LDLRAD3: variants seen among roughly 807,000 people sequenced by gnomAD.
LDLRAD3 encodes low density lipoprotein receptor class A domain containing 3.
A neutral mutation model predicts 29.4 loss-of-function variants in LDLRAD3; 20 were observed. The observed-to-expected ratio is 0.68, with a 90% CI of 0.48 to 0.99. The LOEUF is 0.99. LDLRAD3 is among the 50% of genes least tolerant of loss of function. The pLI, the probability that LDLRAD3 is intolerant of heterozygous loss-of-function variation, is 0.00. For missense variants in LDLRAD3, 420 were observed against 454.3 expected, an observed-to-expected ratio of 0.92 and a Z score of 0.69; for synonymous variants, 157 against 192.7, an observed-to-expected ratio of 0.81 and a Z score of 1.53.
chr11:36,072,187 G>A, intron 2 of LDLRAD3, among the ~76,000 whole-genome samples: 1 of 152,194 alleles, frequency 6.6e-6, no homozygotes, highest in East Asian at 1.9e-4. Context: ...AACCACAGAG[G>A]TCTAGAAGAG....
At chr11:36,130,690 T>G (rs1020834479) in intron 4 of LDLRAD3, among the ~76,000 whole-genome samples, 3 of 152,200 alleles carry the variant, frequency 2.0e-5, no homozygotes, top group African/African-American at 4.8e-5. Context: ...CAAGGCACTA[T>G]GTTAATGTTA....
At chr11:35,955,711 G>T (rs1851192813) in intron 1 of LDLRAD3, among the ~76,000 whole-genome samples, 1 of 152,236 alleles carries the variant, frequency 6.6e-6, no homozygotes, top group Non-Finnish European at 1.5e-5. Flanking sequence ...GGAACATAAT[G>T]AAAGGATGTT....
intron 4 of LDLRAD3, among the ~76,000 whole-genome samples, chr11:36,127,965 G>A (rs973851112): frequency 2.6e-5 from 4 of 151,574 alleles, no homozygotes; most frequent in Non-Finnish European, 4.4e-5. Context: ...ATATATGTTG[G>A]GAATTTCTCC....
At chr11:36,018,356 G>C (rs556956554) in intron 1 of LDLRAD3, among the ~76,000 whole-genome samples, 1 of 152,110 alleles carries the variant, frequency 6.6e-6, no homozygotes, top group Non-Finnish European at 1.5e-5. Context: ...CCTCAAGCTC[G>C]ATCCTGTTCA....
intron 4 of LDLRAD3, among the ~76,000 whole-genome samples, chr11:36,115,449 T>C (rs1448648382): frequency 6.6e-6 from 1 of 152,182 alleles, no homozygotes; most frequent in Non-Finnish European, 1.5e-5. Flanking sequence ...AGTCTTACTT[T>C]TCCTAGGGGC....
chr11:36,136,146 G>A (rs1414085025), intron 4 of LDLRAD3, among the ~76,000 whole-genome samples: 3 of 152,250 alleles, frequency 2.0e-5, no homozygotes, highest in South Asian at 2.1e-4. Context: ...GCTCTATGCC[G>A]ATTGGCCTTC....
intron 1 of LDLRAD3, among the ~76,000 whole-genome samples, chr11:36,014,124 C>A (rs931413326): frequency 1.3e-5 from 2 of 152,152 alleles, no homozygotes; most frequent in Non-Finnish European, 2.9e-5. Context: ...TCCACGCCTC[C>A]CTGTTCTTGG....
intron 2 of LDLRAD3, among the ~76,000 whole-genome samples, chr11:36,063,877 A>G (rs1852745767): frequency 6.6e-6 from 1 of 152,136 alleles, no homozygotes; most frequent in Non-Finnish European, 1.5e-5. Context: ...CTTTTTCAAT[A>G]TGGTTTTGGC....
At chr11:36,016,752 A>T (rs1287131651) in intron 1 of LDLRAD3, among the ~76,000 whole-genome samples, 1 of 152,206 alleles carries the variant, frequency 6.6e-6, no homozygotes, top group Non-Finnish European at 1.5e-5. Context: ...ATACATCTAC[A>T]TCTCTAGCGA....
intron 1 of LDLRAD3, among the ~76,000 whole-genome samples, chr11:35,965,845 A>G (rs998271148): frequency 1.4e-4 from 22 of 152,214 alleles, no homozygotes; most frequent in African/African-American, 4.1e-4. Flanking sequence ...AACAGTAAAA[A>G]AAGCCATTAA....
At chr11:36,214,314 GGGTTGGCCT>G (rs1855323747) in intron 4 of LDLRAD3, among the ~76,000 whole-genome samples, 1 of 152,208 alleles carries the variant, frequency 6.6e-6, no homozygotes. Flanking sequence ...CCAGTCTGCA[GGGTTGGCCT>G]GGAGTGACTA....
At chr11:36,011,959 A>C (rs932388737) in intron 1 of LDLRAD3, among the ~76,000 whole-genome samples, 7 of 152,170 alleles carry the variant, frequency 4.6e-5, no homozygotes, top group Non-Finnish European at 1.0e-4. Context: ...TAACTGCATG[A>C]CTGTGGGGAA....
chr11:36,105,745 T>C lies in LDLRAD3; in HGVS notation c.454+7284T>C, dbSNP rs528545101. 2.0e-5 allele frequency among the ~76,000 whole-genome samples: 3 copies of C among 152,256 alleles called. No homozygotes were observed. The East Asian group carries it at 5.8e-4, about 29-fold the overall frequency. ...GAACAGATTCTCTCTCGCAGCCCTCTGAAGGAGCCAACCCTGCGGACATTT... is the reference window on the plus strand; with the variant it reads ...GAACAGATTCTCTCTCGCAGCCCTCCGAAGGAGCCAACCCTGCGGACATTT... On this transcript the variant is annotated intron_variant, in intron 4 of 5. Coordinates refer to ENST00000315571, the MANE Select transcript of LDLRAD3 (RefSeq NM_174902.4).
chr11:36,173,494 T>C (rs1160859384), intron 4 of LDLRAD3, among the ~76,000 whole-genome samples: 1 of 152,070 alleles, frequency 6.6e-6, no homozygotes, highest in East Asian at 1.9e-4. Flanking sequence ...GCTTCATCCA[T>C]GTCCCTACAA....
intron 1 of LDLRAD3, among the ~76,000 whole-genome samples, chr11:35,953,432 A>G (rs1160110685): frequency 6.6e-6 from 1 of 152,224 alleles, no homozygotes; most frequent in Non-Finnish European, 1.5e-5. Flanking sequence ...AAATGAAAGC[A>G]TAAAGGGTGT....
intron 2 of LDLRAD3, among the ~76,000 whole-genome samples, chr11:36,058,197 G>A (rs1040572162): frequency 3.9e-5 from 6 of 152,008 alleles, no homozygotes; most frequent in Admixed American, 1.3e-4. Flanking sequence ...CCTGCTCTCC[G>A]CCCGCCAGCT....
chr11:36,098,248 G>T, intron 3 of LDLRAD3, 79 bp from the exon 4 acceptor site: 1 of 1,550,346 alleles, frequency 6.5e-7, no homozygotes, highest in South Asian at 1.1e-5. Flanking sequence ...CGGGACACAC[G>T]CCAGGCTGGA....
At chr11:35,948,562 T>C (rs765077761) in intron 1 of LDLRAD3, among the ~76,000 whole-genome samples, 1 of 152,168 alleles carries the variant, frequency 6.6e-6, no homozygotes, top group African/African-American at 2.4e-5. Context: ...ACCTTGAAGA[T>C]GTTTGCTGGG....
chr11:36,165,110 C>T (rs1854495618), intron 4 of LDLRAD3, among the ~76,000 whole-genome samples: 1 of 152,158 alleles, frequency 6.6e-6, no homozygotes, highest in South Asian at 2.1e-4. Context: ...GCAATGGAGG[C>T]TTTTTGTTCT....
Sources: gnomAD v4.1 joint callset for allele counts (sites outside exome capture counted in the v4.1 genomes callset) on GRCh38, gnomAD v4.1.1 for gene constraint, MANE v1.5 for transcripts, NCBI Gene and HGNC (gene_info 2026-07-23, HGNC 2026-07-21) for gene names.